Variants in SPAG16 observed in about 807,000 individuals in gnomAD.
SPAG16 encodes sperm associated antigen 16, also known as sperm-associated antigen 16 protein.
Under a neutral mutation model 80.4 loss-of-function variants are expected in SPAG16, and 86 were observed. The observed-to-expected ratio is 1.07, with a 90% confidence interval of 0.90 to 1.28. The LOEUF is 1.28. Ranked by LOEUF, SPAG16 falls within the 50% of genes most tolerant of loss-of-function variation. The probability of loss-of-function intolerance (pLI) is 0.00; values close to 1 mark genes in which losing one functional copy is unlikely to be tolerated. For missense variants in SPAG16, 870 were observed against 765.3 expected (o/e 1.14, Z -1.61); for synonymous variants, 294 against 265.9 (o/e 1.11, Z -1.03).
intron 10 of SPAG16, among the ~76,000 whole-genome samples, chr2:213,597,850 G>T (rs1477128107): frequency 6.6e-6 from 1 of 152,092 alleles, no homozygotes; most frequent in Non-Finnish European, 1.5e-5. Flanking sequence ...ATATTTTATG[G>T]GGGAGATTTG....
intron 9 of SPAG16, among the ~76,000 whole-genome samples, chr2:213,433,792 A>G (rs150247278): frequency 1.3e-4 from 20 of 152,250 alleles, no homozygotes; most frequent in African/African-American, 4.8e-4. Flanking sequence ...TAGCTAAATA[A>G]ATTCTAAGCA....
In SPAG16 at chr2:214,370,850, C is replaced by T. The variant is rs373742563; in HGVS notation, c.1721-39290C>T. 1.3e-3 allele frequency among the ~76,000 whole-genome samples: 199 copies of T among 152,212 alleles called. 3 individuals carry two copies. The highest frequency in any genetic ancestry group is 0.013 in the South Asian group (63 of 4,824). On this transcript the variant is annotated intron_variant, in intron 15 of 15. Coordinates refer to ENST00000331683, the MANE Select transcript of SPAG16 (RefSeq NM_024532.5). Reference sequence around the variant, plus strand: ...AACGTGTTTATTTCTCATAGGCATACGTTAGAGCAAACTATAATAACACAA... The same window carrying T: ...AACGTGTTTATTTCTCATAGGCATATGTTAGAGCAAACTATAATAACACAA...
At chr2:213,550,426 A>T (rs2125941642) in intron 10 of SPAG16, among the ~76,000 whole-genome samples, 1 of 152,234 alleles carries the variant, frequency 6.6e-6, no homozygotes, top group Middle Eastern at 3.4e-3. Context: ...ATCTTCAAGA[A>T]AATCTTTAGC....
intron 10 of SPAG16, among the ~76,000 whole-genome samples, chr2:213,515,165 G>GTA (rs61428891): frequency 0.1 from 15,695 of 151,234 alleles, 1,959 homozygotes; most frequent in African/African-American, 0.3. Context: ...TAGTACGTAT[G>GTA]TATATATATA....
intron 10 of SPAG16, among the ~76,000 whole-genome samples, chr2:213,782,442 G>A (rs1436298153): frequency 6.6e-6 from 1 of 152,138 alleles, no homozygotes; most frequent in Non-Finnish European, 1.5e-5. Context: ...TAGATATGTA[G>A]TACCAAATGT....
chr2:213,780,761 C>T (rs2069906925), intron 10 of SPAG16, among the ~76,000 whole-genome samples: 1 of 151,904 alleles, frequency 6.6e-6, no homozygotes, highest in African/African-American at 2.4e-5. Context: ...TATTTTGTTT[C>T]CTGAAACTGC....
chr2:214,041,978 G>GTGTGTATATA (rs1410396491), intron 13 of SPAG16, among the ~76,000 whole-genome samples: 2 of 116,362 alleles, frequency 1.7e-5, no homozygotes, highest in African/African-American at 6.5e-5. Flanking sequence ...GTCTGTGTGT[G>GTGTGTATATA]TATATATATA....
chr2:213,431,867 C>G lies in SPAG16; in HGVS notation c.942+56748C>G, dbSNP rs528958423. On this transcript the variant is annotated intron_variant, in intron 9 of 15. Coordinates refer to ENST00000331683, the MANE Select transcript of SPAG16 (RefSeq NM_024532.5). ...TGTTAGGCCACAAAACAAGTCTCAA[C>G]AAATTAAAAAAAATAGTAACTTTAT... is the stretch of plus-strand genomic sequence containing the variant. Among the ~76,000 whole-genome samples the G allele has an allele frequency of 6.5e-4, 99 of 151,806 alleles. 1 individual carries two copies. Among genetic ancestry groups the G allele is most frequent in the Middle Eastern group, 3.4e-3 (1 of 292 alleles).
At chr2:214,335,672 G>A (rs186976611) in intron 15 of SPAG16, among the ~76,000 whole-genome samples, 18 of 149,644 alleles carry the variant, frequency 1.2e-4, no homozygotes, top group Admixed American at 4.0e-4. Flanking sequence ...CTACCATCCC[G>A]TTTATGGTGT....
chr2:214,251,371 A>G (rs575436308), intron 15 of SPAG16, among the ~76,000 whole-genome samples: 1 of 152,222 alleles, frequency 6.6e-6, no homozygotes, highest in African/African-American at 2.4e-5. Flanking sequence ...AAAGACTAGA[A>G]GAACTGAGGG....
chr2:213,949,535 A>T (rs2079642861), intron 12 of SPAG16, among the ~76,000 whole-genome samples: 1 of 152,176 alleles, frequency 6.6e-6, no homozygotes. Context: ...AATTAAAAAC[A>T]TTTTGCCAAA....
At chr2:213,844,722 A>T (rs568062525) in intron 10 of SPAG16, among the ~76,000 whole-genome samples, 1 of 152,240 alleles carries the variant, frequency 6.6e-6, no homozygotes, top group African/African-American at 2.4e-5. Context: ...TTAAATATTC[A>T]TAGTTATAGC....
At chr2:214,354,984 C>G (rs1698677768) in intron 15 of SPAG16, among the ~76,000 whole-genome samples, 1 of 152,014 alleles carries the variant, frequency 6.6e-6, no homozygotes, top group African/African-American at 2.4e-5. Flanking sequence ...AATTGAATAC[C>G]CTTTATTTCC....
At chr2:214,211,340 A>G (rs1266832111) in intron 15 of SPAG16, among the ~76,000 whole-genome samples, 1 of 152,182 alleles carries the variant, frequency 6.6e-6, no homozygotes. Context: ...TGGTTCTCAA[A>G]TGATTTTGAA....
At chr2:214,313,310 C>G (rs936016478) in intron 15 of SPAG16, among the ~76,000 whole-genome samples, 3 of 152,086 alleles carry the variant, frequency 2.0e-5, no homozygotes, top group Non-Finnish European at 4.4e-5. Flanking sequence ...CCTGAAAGGA[C>G]CTTTGTGAAG....
At chr2:214,121,149 T>C (rs1405178611) in intron 14 of SPAG16, among the ~76,000 whole-genome samples, 1 of 151,860 alleles carries the variant, frequency 6.6e-6, no homozygotes, top group Non-Finnish European at 1.5e-5. Flanking sequence ...CAATTTCATT[T>C]TACCCAATAT....
chr2:213,889,704 T>C (rs1020234382), intron 11 of SPAG16, among the ~76,000 whole-genome samples: 39 of 142,988 alleles, frequency 2.7e-4, no homozygotes, highest in African/African-American at 9.5e-4. Flanking sequence ...TATATACACA[T>C]ATATATACAT....
chr2:213,667,952 T>C (rs551581722), intron 10 of SPAG16, among the ~76,000 whole-genome samples: 1 of 151,936 alleles, frequency 6.6e-6, no homozygotes, highest in Admixed American at 6.5e-5. Flanking sequence ...TATTTATTTA[T>C]TTATTTATTT....
chr2:214,081,858 G>A (rs1315384221), intron 13 of SPAG16, among the ~76,000 whole-genome samples: 14 of 151,580 alleles, frequency 9.2e-5, no homozygotes, highest in Non-Finnish European at 1.5e-5. Flanking sequence ...TCATCCTTAG[G>A]AGGGTTTCTT....
Sources: gnomAD v4.1 joint callset for allele counts (sites outside exome capture counted in the v4.1 genomes callset) on GRCh38, gnomAD v4.1.1 for gene constraint, MANE v1.5 for transcripts, NCBI Gene and HGNC (gene_info 2026-07-23, HGNC 2026-07-21) for gene names.